EPHA3: variants seen among roughly 807,000 people sequenced by gnomAD.
EPHA3 encodes EPH receptor A3, also known as ephrin type-A receptor 3.
In EPHA3, 42 loss-of-function variants were observed where a neutral mutation model predicts 107.1. That is an observed-to-expected ratio of 0.39 (90% CI 0.31 to 0.51). EPHA3 has a LOEUF of 0.51. Among genes scored for constraint, EPHA3 ranks in the 20% least tolerant of loss-of-function variants. The probability of loss-of-function intolerance (pLI) is 0.78; values close to 1 mark genes in which losing one functional copy is unlikely to be tolerated. For missense variants in EPHA3, 1,183 were observed against 1,211.2 expected (o/e 0.98, Z 0.35); for synonymous variants, 461 against 424.8 (o/e 1.09, Z -1.05).
chr3:89,126,143 C>T (rs1704092375), intron 1 of EPHA3, among the ~76,000 whole-genome samples: 1 of 151,494 alleles, frequency 6.6e-6, no homozygotes, highest in African/African-American at 2.4e-5. Context: ...ATATGTAACC[C>T]CTGAAAATGA....
At chr3:89,325,441 G>A (rs1165285589) in intron 3 of EPHA3, among the ~76,000 whole-genome samples, 3 of 152,052 alleles carry the variant, frequency 2.0e-5, no homozygotes, top group African/African-American at 4.8e-5. Flanking sequence ...TACCTCATGC[G>A]TGAAACCTTT....
intron 11 of EPHA3, among the ~76,000 whole-genome samples, chr3:89,426,753 T>C (rs1198369726): frequency 6.6e-6 from 1 of 151,886 alleles, no homozygotes; most frequent in African/African-American, 2.4e-5. Context: ...GCAAAATATC[T>C]GTGACTGCAT....
At chr3:89,178,200 G>A (rs956966220) in intron 2 of EPHA3, among the ~76,000 whole-genome samples, 4 of 151,862 alleles carry the variant, frequency 2.6e-5, no homozygotes, top group African/African-American at 9.7e-5. Context: ...TATTTACTAG[G>A]AATAAATGAC....
Position 89,453,487 on chromosome 3 carries a change from A to G in EPHA3, c.2690+3117A>G, listed in dbSNP as rs184965928. 5.5e-3 allele frequency among the ~76,000 whole-genome samples: 843 copies of G among 152,246 alleles called. 5 individuals are homozygous for G. The highest frequency in any genetic ancestry group is 9.6e-3 in the Non-Finnish European group (656 of 68,018). ...AATTTGATGTATTTTGTCATAAAACATAATTTTAGAAAAAAATCAATATTT... is the reference window on the plus strand; with the variant it reads ...AATTTGATGTATTTTGTCATAAAACGTAATTTTAGAAAAAAATCAATATTT... On this transcript the variant is annotated intron_variant, in intron 15 of 16. Transcript: ENST00000336596.
intron 3 of EPHA3, among the ~76,000 whole-genome samples, chr3:89,224,433 A>C (rs1704452180): frequency 6.6e-6 from 1 of 152,174 alleles, no homozygotes; most frequent in South Asian, 2.1e-4. Context: ...TTTCACCTTC[A>C]TTTTATTTTT....
chr3:89,369,739 A>G (rs1708255324), intron 5 of EPHA3, among the ~76,000 whole-genome samples: 1 of 148,460 alleles, frequency 6.7e-6, no homozygotes, highest in Admixed American at 6.7e-5. Context: ...ATGGGAGAAA[A>G]TTTTCGCAAC....
intron 2 of EPHA3, among the ~76,000 whole-genome samples, chr3:89,174,257 C>T (rs1421862660): frequency 3.3e-5 from 5 of 151,958 alleles, no homozygotes; most frequent in Non-Finnish European, 7.4e-5. Context: ...CTTAGATAGT[C>T]TCATGTATTT....
At chr3:89,167,461 TTC>T (rs1266972043) in intron 2 of EPHA3, among the ~76,000 whole-genome samples, 1 of 152,062 alleles carries the variant, frequency 6.6e-6, no homozygotes, top group East Asian at 1.9e-4. Context: ...GAAAAGCTAT[TTC>T]TCTCCCCTAT....
At chr3:89,292,452 T>G (rs546689553) in intron 3 of EPHA3, among the ~76,000 whole-genome samples, 77 of 152,308 alleles carry the variant, frequency 5.1e-4, no homozygotes, top group Non-Finnish European at 8.5e-4. Context: ...ACAGGGGTCC[T>G]GGAACGAGTT....
Position 89,425,403 on chromosome 3 carries a change from G to GT in EPHA3, c.2075-3689dup, listed in dbSNP as rs71621549. Among the ~76,000 whole-genome samples, 435 of 136,398 alleles carry GT rather than the reference G, an allele frequency of 3.2e-3. 1 individual carries two copies. The highest frequency in any genetic ancestry group is 0.014 in the East Asian group (63 of 4,646). 89.5% of individuals were successfully genotyped at this position (136,398 alleles called of 152,430 possible). On this transcript the variant is annotated intron_variant, in intron 11 of 16. Coordinates refer to ENST00000336596, the MANE Select transcript of EPHA3 (RefSeq NM_005233.6). Reference sequence around the variant, plus strand: ...AATTTTTTTCAACTTTCCATCTCCCGTTTTTTTTTTTTTTCCTTCCATCCT... The same window carrying GT: ...AATTTTTTTCAACTTTCCATCTCCCGTTTTTTTTTTTTTTTCCTTCCATCCT...
chr3:89,482,050 C>T lies in EPHA3; in HGVS notation c.*2548C>T, dbSNP rs1321871990. On this transcript the variant is annotated 3_prime_UTR_variant, in exon 17 of 17. Coordinates refer to ENST00000336596, the MANE Select transcript of EPHA3 (RefSeq NM_005233.6). ...AGTTTATGTTGTACAATGTAGATGG[C>T]CTCTTACTAATGTAAAATGATTTGT... The T allele has an allele frequency of 4.6e-6, 1 of 219,432 alleles. No homozygotes were observed. Among genetic ancestry groups the T allele is most frequent in the Non-Finnish European group, 9.2e-6 (1 of 109,114 alleles). The allele number at this position is 219,432 out of a possible 1,614,324, so 13.6% of individuals were successfully genotyped here.
chr3:89,146,415 A>G (rs1704559930), intron 2 of EPHA3, among the ~76,000 whole-genome samples: 2 of 151,900 alleles, frequency 1.3e-5, no homozygotes, highest in South Asian at 4.1e-4. Context: ...TTTTATTCAT[A>G]TATTTGTTGG....
intron 13 of EPHA3, among the ~76,000 whole-genome samples, chr3:89,445,679 A>T (rs1217864106): frequency 6.6e-6 from 1 of 152,214 alleles, no homozygotes; most frequent in Non-Finnish European, 1.5e-5. Context: ...AAGGGCAGCA[A>T]CTGAACCCTT....
chr3:89,211,683 C>G (rs1576234575), intron 3 of EPHA3, among the ~76,000 whole-genome samples: 2 of 145,842 alleles, frequency 1.4e-5, no homozygotes, highest in East Asian at 4.1e-4. Context: ...TCCTCCTCCT[C>G]TCTCTCCTCC....
chr3:89,312,044 T>A (rs1706776553), intron 3 of EPHA3, among the ~76,000 whole-genome samples: 1 of 151,706 alleles, frequency 6.6e-6, no homozygotes, highest in African/African-American at 2.4e-5. Flanking sequence ...GACATAGAGG[T>A]AGAAGTATAG....
chr3:89,453,248 C>G (rs1229711254), intron 15 of EPHA3, among the ~76,000 whole-genome samples: 1 of 151,948 alleles, frequency 6.6e-6, no homozygotes, highest in Non-Finnish European at 1.5e-5. Context: ...TAAAAACATT[C>G]AAACCATTTT....
chr3:89,247,515 G>T (rs773128752), intron 3 of EPHA3, among the ~76,000 whole-genome samples: 1 of 152,148 alleles, frequency 6.6e-6, no homozygotes, highest in Non-Finnish European at 1.5e-5. Flanking sequence ...TCAAGAAATT[G>T]TGATGGGTTT....
chr3:89,404,535 C>G (rs1426858647), intron 7 of EPHA3, among the ~76,000 whole-genome samples: 4 of 152,180 alleles, frequency 2.6e-5, no homozygotes, highest in South Asian at 2.1e-4. Context: ...GAGCAGAAAA[C>G]AAATTCAAGT....
intron 2 of EPHA3, among the ~76,000 whole-genome samples, chr3:89,138,817 T>C (rs1559748677): frequency 6.6e-6 from 1 of 151,914 alleles, no homozygotes; most frequent in Non-Finnish European, 1.5e-5. Flanking sequence ...CAAATCTTCA[T>C]TATTTTCTTT....
Sources: gnomAD v4.1 joint callset for allele counts (sites outside exome capture counted in the v4.1 genomes callset) on GRCh38, gnomAD v4.1.1 for gene constraint, MANE v1.5 for transcripts, NCBI Gene and HGNC (gene_info 2026-07-23, HGNC 2026-07-21) for gene names.